Variants in ZSCAN18 observed in about 807,000 individuals in gnomAD.
The protein encoded by ZSCAN18 is zinc finger and SCAN domain containing 18.
ZSCAN18 carries 16 observed loss-of-function variants against 31.1 expected under a neutral mutation model. The ratio of observed to expected loss-of-function variants is 0.51; its 90% CI spans 0.35 to 0.78. ZSCAN18 has a LOEUF of 0.78. ZSCAN18 is among the 30% of genes least tolerant of loss of function. ZSCAN18 has a pLI of 0.01. For synonymous variants in ZSCAN18, 375 were observed against 320.7 expected (o/e 1.17, Z -1.81); for missense variants, 731 against 697.4 (o/e 1.05, Z -0.54).
intron 6 of ZSCAN18, chr19:58,085,928 A>G: frequency 3.8e-6 from 2 of 531,510 alleles, no homozygotes; most frequent in South Asian, 2.4e-5. Flanking sequence ...GACCAGTCAT[A>G]CACAGATCCT....
chr19:58,110,085 G>A (rs2074668697), intron 1 of ZSCAN18, among the ~76,000 whole-genome samples: 1 of 151,998 alleles, frequency 6.6e-6, no homozygotes, highest in African/African-American at 2.4e-5. Context: ...TCACTATGTT[G>A]CCCAGGCTGG....
chr19:58,085,557 C>T (rs1476214481), intron 6 of ZSCAN18, 178 bp from the exon 7 acceptor site: 7 of 585,520 alleles, frequency 1.2e-5, no homozygotes, highest in Non-Finnish European at 2.9e-6. Flanking sequence ...GCGCATGCCC[C>T]GCGCCTGCTG....
intron 1 of ZSCAN18, 119 bp downstream of exon 1, chr19:58,098,054 AC>A (rs1156607975): frequency 3.0e-6 from 3 of 985,406 alleles, no homozygotes; most frequent in East Asian, 1.1e-4. Context: ...GGGGGCTCGC[AC>A]CCCAACCCCG....
At chr19:58,096,999 C>G (rs768132567) in intron 1 of ZSCAN18, among the ~76,000 whole-genome samples, 1 of 152,124 alleles carries the variant, frequency 6.6e-6, no homozygotes, top group African/African-American at 2.4e-5. Context: ...GTCACAGATT[C>G]AAGCATCATG....
At chr19:58,095,320 C>A (rs1037823028) in intron 1 of ZSCAN18, among the ~76,000 whole-genome samples, 7 of 152,228 alleles carry the variant, frequency 4.6e-5, no homozygotes, top group Admixed American at 3.9e-4. Flanking sequence ...GTGCACAGAA[C>A]CTTCCCTCAT....
chr19:58,085,316 A>T lies in ZSCAN18; in HGVS notation c.902T>A (p.Leu301Gln). The T allele has an allele frequency of 6.3e-7, 1 of 1,597,254 alleles. No homozygotes were observed. Among genetic ancestry groups the T allele is most frequent in the South Asian group, 1.1e-5 (1 of 90,792 alleles). Residue 301 changes from leucine to glutamine, a missense_variant, in exon 7 of 7, where the codon CTG (leucine) becomes CAG (glutamine). Leu to Gln is a moderately radical substitution (Grantham distance 113). This residue lies in a region of ZSCAN18 where 597 missense variants were observed against 499.5 expected (regional missense o/e 1.20). Transcript: ENST00000601144. ...ACEEAAPAGVLPELPTEAPPG... is the reference protein window; with the variant it reads ...ACEEAAPAGVQPELPTEAPPG... ...GGGCGCCTCCGTAGGCAGCTCAGGC[A>T]GCACCCCCGCGGGGGCGGCCTCCTC...
intron 1 of ZSCAN18, among the ~76,000 whole-genome samples, chr19:58,106,471 G>A (rs1421147424): frequency 3.6e-5 from 2 of 56,322 alleles, no homozygotes; most frequent in African/African-American, 9.3e-5. Flanking sequence ...GGGAGGCCGA[G>A]GCGGGCGGAT....
chr19:58,084,203 A>G lies in ZSCAN18; in HGVS notation c.*482T>C, dbSNP rs534324178. On this transcript the variant is annotated 3_prime_UTR_variant, in exon 7 of 7. Coordinates refer to ENST00000601144, the MANE Select transcript of ZSCAN18 (RefSeq NM_001145543.2). The surrounding 1 kb of genome is among the most constrained non-coding windows in gnomAD (Gnocchi z 4.5). ...ACACACGCGAGGTAAACTAGGAAAC[A>G]GCTTCTGCTTTTGCAGATTAGAAGT... 6.5e-6 allele frequency: 1 copy of G among 153,810 alleles called. No individual in the cohort carries two copies. The highest frequency in any genetic ancestry group is 2.1e-4 in the South Asian group (1 of 4,838). 9.5% of individuals were successfully genotyped at this position (153,810 alleles called of 1,614,324 possible).
At chr19:58,086,082 G>A in intron 6 of ZSCAN18, 92 bp downstream of exon 6, 1 of 1,065,964 alleles carries the variant, frequency 9.4e-7, no homozygotes, top group Non-Finnish European at 1.4e-6. Flanking sequence ...TGAGGTCTTT[G>A]CTGGGGCTGA....
At chr19:58,089,363 CACAACTGTAATCCCAGCACTTTGGGAG>C in intron 2 of ZSCAN18, among the ~76,000 whole-genome samples, 1 of 139,674 alleles carries the variant, frequency 7.2e-6, no homozygotes, top group South Asian at 2.4e-4. Context: ...TGTGGTGGCT[CACAACTGTAATCCCAGCACTTTGGGAG>C]ACCAAGGCGG....
At chr19:58,109,102 TTG>T (rs1471794835) in intron 1 of ZSCAN18, 7 of 1,227,676 alleles carry the variant, frequency 5.7e-6, no homozygotes, top group Non-Finnish European at 7.1e-6. Flanking sequence ...CTCTGGGTCC[TTG>T]TGTGTGGATG....
chr19:58,086,940 C>G lies in ZSCAN18; in HGVS notation c.711G>C (p.Glu237Asp). ...GEWGHLDPAE[E>D]NLKSYRKLLL... ...GCAGCTTCCGGTAGCTCTTCAGGTT[C>G]TCCTCGGCAGGGTCCAGGTGGCCCC... The change falls in exon 5 of 7, where the codon GAG becomes GAC. Residue 237 changes from glutamate (E) to aspartate (D), a missense_variant. Coordinates refer to ENST00000601144, the MANE Select transcript of ZSCAN18 (RefSeq NM_001145543.2). 1 of 1,613,928 alleles carries G rather than the reference C, an allele frequency of 6.2e-7. No individual in the cohort carries two copies. Among genetic ancestry groups the G allele is most frequent in the African/African-American group, 1.3e-5 (1 of 75,014 alleles).
At chr19:58,086,868 G>T in intron 5 of ZSCAN18, 38 bp downstream of exon 5, 1 of 1,522,944 alleles carries the variant, frequency 6.6e-7, no homozygotes, top group South Asian at 1.1e-5. Context: ...GGAAGGGGAT[G>T]GGGAGTGGGG....
Position 58,085,024 on chromosome 19 carries a change from C to G in ZSCAN18, c.1194G>C (p.Gln398His). ...AGCCCGGCTCGTCAGCCCCAGGGCCCTGCCCGGCCTCCAGCCCTGCGCTGT... is the reference window on the plus strand; with the variant it reads ...AGCCCGGCTCGTCAGCCCCAGGGCCGTGCCCGGCCTCCAGCCCTGCGCTGT... ...SGDSAGLEAG[Q>H]GPGADEPGLS... The change falls in exon 7 of 7, where the codon CAG (glutamine) becomes CAC (histidine). Residue 398 changes from glutamine (Q) to histidine (H), a missense_variant. Gln to His is a conservative substitution (Grantham distance 24). This residue lies in a region of ZSCAN18 where 597 missense variants were observed against 499.5 expected (regional missense o/e 1.20). Transcript: ENST00000601144. 1 of 1,589,466 alleles carries G rather than the reference C, an allele frequency of 6.3e-7. No individual in the cohort carries two copies. Among genetic ancestry groups the G allele is most frequent in the Non-Finnish European group, 8.6e-7 (1 of 1,167,664 alleles).
chr19:58,085,452 A>T (rs1390096470), intron 6 of ZSCAN18, 73 bp from the exon 7 acceptor site: 3 of 1,358,848 alleles, frequency 2.2e-6, no homozygotes, highest in Admixed American at 2.6e-5. Context: ...GCCGAGCCTC[A>T]GCTGCCGGAA....
At chr19:58,098,884 G>A (rs2074568556), upstream of ZSCAN18, among the ~76,000 whole-genome samples, 1 of 152,174 alleles carries the variant, frequency 6.6e-6, no homozygotes, top group African/African-American at 2.4e-5. Context: ...ACAGTTTCAA[G>A]GAGTGGATAG....
intron 1 of ZSCAN18, among the ~76,000 whole-genome samples, chr19:58,112,358 A>T (rs769072000): frequency 6.6e-6 from 1 of 152,136 alleles, no homozygotes; most frequent in Non-Finnish European, 1.5e-5. Context: ...ATGATTAAAA[A>T]ACATACTCAA....
At chr19:58,099,907 T>C (rs2074577973), upstream of ZSCAN18, among the ~76,000 whole-genome samples, 1 of 152,180 alleles carries the variant, frequency 6.6e-6, no homozygotes. Context: ...AAGTATCTGT[T>C]CGTATCTTTT....
chr19:58,097,587 C>T (rs2074543372), intron 1 of ZSCAN18, among the ~76,000 whole-genome samples: 2 of 151,942 alleles, frequency 1.3e-5, no homozygotes, highest in South Asian at 4.2e-4. Flanking sequence ...TCCCCGCACC[C>T]TCCATCCCTT....
Sources: gnomAD v4.1 joint callset for allele counts (sites outside exome capture counted in the v4.1 genomes callset) on GRCh38, gnomAD v4.1.1 for gene constraint, gnomAD v4.1.1 regional missense constraint, Gnocchi (gnomAD v3.1) non-coding constraint, MANE v1.5 for transcripts, NCBI Gene and HGNC (gene_info 2026-07-23, HGNC 2026-07-21) for gene names.